Variants in DUSP22 observed in about 807,000 individuals in gnomAD.
DUSP22 encodes dual specificity protein phosphatase 22.
In DUSP22, 24 loss-of-function variants were observed where a neutral mutation model predicts 24.5. The ratio of observed to expected loss-of-function variants is 0.98; its 90% CI spans 0.71 to 1.38. DUSP22 has a LOEUF of 1.38. Among genes scored for constraint, DUSP22 ranks in the 40% most tolerant of loss-of-function variants. DUSP22 has a pLI of 0.00. For synonymous variants in DUSP22, 160 were observed against 106.4 expected, an observed-to-expected ratio of 1.50 and a Z score of -3.10; for missense variants, 330 against 269.2, an observed-to-expected ratio of 1.23 and a Z score of -1.58.
chr6:295,444 A>G (rs1182582397), intron 1 of DUSP22, among the ~76,000 whole-genome samples: 7 of 152,238 alleles, frequency 4.6e-5, no homozygotes, highest in African/African-American at 1.7e-4. Flanking sequence ...GATGGAGGGG[A>G]AAAAGGCTTT....
chr6:316,739 TCTCA>T (rs1388726358), intron 3 of DUSP22, among the ~76,000 whole-genome samples: 4 of 152,308 alleles, frequency 2.6e-5, no homozygotes, highest in African/African-American at 9.6e-5. Context: ...CAAAACTATT[TCTCA>T]CTATTAACAA....
chr6:305,469 T>C (rs1444651874), intron 2 of DUSP22, among the ~76,000 whole-genome samples: 1 of 152,306 alleles, frequency 6.6e-6, no homozygotes, highest in Non-Finnish European at 1.5e-5. Flanking sequence ...CCTGTTCTTT[T>C]TAAGTCACCT....
At chr6:292,745 C>A (rs1403613848) in intron 1 of DUSP22, among the ~76,000 whole-genome samples, 185 bp downstream of exon 1, 3 of 152,280 alleles carry the variant, frequency 2.0e-5, no homozygotes, top group African/African-American at 7.2e-5. Flanking sequence ...TTCCCGCCCC[C>A]ACCCCACCCG....
chr6:308,649 C>A (rs1195674663), intron 2 of DUSP22, among the ~76,000 whole-genome samples: 8 of 152,300 alleles, frequency 5.3e-5, no homozygotes, highest in Non-Finnish European at 1.2e-4. Context: ...TAAAAAGATT[C>A]ACTCTGTATT....
At chr6:316,998 G>T (rs1355167836) in intron 3 of DUSP22, among the ~76,000 whole-genome samples, 4 of 152,306 alleles carry the variant, frequency 2.6e-5, no homozygotes, top group Admixed American at 2.0e-4. Context: ...TTAAAAGAAT[G>T]GGATGTTTTC....
At chr6:314,433 A>G (rs1417431770) in intron 3 of DUSP22, among the ~76,000 whole-genome samples, 5 of 152,306 alleles carry the variant, frequency 3.3e-5, no homozygotes, top group African/African-American at 1.2e-4. Context: ...ATTGGGCACT[A>G]CACTGTGGAT....
chr6:350,855 T>A lies in DUSP22; in HGVS notation c.*1904T>A. 3 of 1,614,278 alleles carry A rather than the reference T, an allele frequency of 1.9e-6. No homozygotes were observed. Among genetic ancestry groups the A allele is most frequent in the Non-Finnish European group, 2.5e-6 (3 of 1,180,030 alleles). ...GGAATTCTGAAGTTCTGGGCCTTTC[T>A]CAGAAGACTGTAATGTACCTGAAGT... On this transcript the variant is annotated 3_prime_UTR_variant, in exon 7 of 7. Transcript: ENST00000419235.
chr6:331,589 C>G (rs1343054995), intron 3 of DUSP22, among the ~76,000 whole-genome samples: 1 of 152,308 alleles, frequency 6.6e-6, no homozygotes, highest in South Asian at 2.1e-4. Context: ...AAAACATTTG[C>G]AGAACTTATT....
chr6:348,102 G>A lies in DUSP22; in HGVS notation c.264-1G>A. The A allele has an allele frequency of 6.2e-7, 1 of 1,614,154 alleles. No homozygotes were observed. The highest frequency in any genetic ancestry group is 8.5e-7 in the Non-Finnish European group (1 of 1,179,970). On this transcript the variant is annotated splice_acceptor_variant, in intron 5 of 6. Transcript: ENST00000419235. LOFTEE classifies it high-confidence loss of function. ...CACATGTGCTTCTCTTGGCCCCGCA[G>A]CCTGGCCGGGGTCTCCAGGAGCGTG... is the stretch of plus-strand genomic sequence containing the variant.
At chr6:297,807 G>A (rs1358500276) in intron 1 of DUSP22, among the ~76,000 whole-genome samples, 1 of 152,302 alleles carries the variant, frequency 6.6e-6, no homozygotes, top group Non-Finnish European at 1.5e-5. Context: ...AGGGCTGGCA[G>A]GTCAGGCACC....
Position 349,112 on chromosome 6 carries a change from A to G in DUSP22, c.*161A>G, listed in dbSNP as rs1760042003. The G allele has an allele frequency of 2.8e-6, 4 of 1,447,520 alleles. No individual in the cohort carries two copies. The African/African-American group carries it at 4.3e-5, about 15-fold the overall frequency. The allele number at this position is 1,447,520 out of a possible 1,614,324, so 89.7% of individuals were successfully genotyped here. ...AAGCAACACCGCCCAGCCCTGCTCCAGGCCCCTGCACTCCGCCCACCCCTA... is the reference window on the plus strand; with the variant it reads ...AAGCAACACCGCCCAGCCCTGCTCCGGGCCCCTGCACTCCGCCCACCCCTA... On this transcript the variant is annotated 3_prime_UTR_variant, in exon 7 of 7. Coordinates refer to ENST00000419235, the MANE Select transcript of DUSP22 (RefSeq NM_001286555.3).
At chr6:307,965 C>G (rs1757894436) in intron 2 of DUSP22, among the ~76,000 whole-genome samples, 1 of 152,306 alleles carries the variant, frequency 6.6e-6, no homozygotes, top group Admixed American at 6.5e-5. Context: ...ATTTTTTCCA[C>G]ATGAATTCTA....
At position 349,359 on chromosome 6, in the gene DUSP22, T is replaced by TA. The variant is rs1760066565; in HGVS notation, c.*409dup. ...GTTTGTGTGTGTGTGAACTCTTTCT[T>TA]ACTGCTGGAAGTCACAGAATTCATA... On this transcript the variant is annotated 3_prime_UTR_variant, in exon 7 of 7. Transcript: ENST00000419235. 9.6e-7 allele frequency: 1 copy of TA among 1,038,750 alleles called. No homozygotes were observed. Among genetic ancestry groups the TA allele is most frequent in the South Asian group, 3.8e-5 (1 of 26,658 alleles). 64.3% of individuals were successfully genotyped at this position (1,038,750 alleles called of 1,614,324 possible).
chr6:304,283 C>T (rs534613425), intron 1 of DUSP22, among the ~76,000 whole-genome samples: 108 of 152,396 alleles, frequency 7.1e-4, no homozygotes, highest in Middle Eastern at 6.8e-3. Context: ...GCAGTGGCCT[C>T]GTGCAGCAGA....
chr6:321,996 G>A (rs537846104), intron 3 of DUSP22, among the ~76,000 whole-genome samples: 28 of 152,420 alleles, frequency 1.8e-4, no homozygotes, highest in African/African-American at 6.7e-4. Context: ...TACAGGTCCA[G>A]GGCTCAGGAG....
intron 1 of DUSP22, 88 bp downstream of exon 1, chr6:292,648 C>T (rs889324499): frequency 6.6e-6 from 10 of 1,509,580 alleles, no homozygotes; most frequent in South Asian, 2.4e-5. Flanking sequence ...GACTCGAGCC[C>T]GGGGTGCCCT....
chr6:307,836 C>T (rs1228060152), intron 2 of DUSP22, among the ~76,000 whole-genome samples: 1 of 152,302 alleles, frequency 6.6e-6, no homozygotes, highest in African/African-American at 2.4e-5. Flanking sequence ...GTAAGACAGA[C>T]AGTCCTGGTG....
intron 4 of DUSP22, among the ~76,000 whole-genome samples, chr6:345,012 C>G (rs1363266708): frequency 6.6e-6 from 1 of 152,310 alleles, no homozygotes; most frequent in African/African-American, 2.4e-5. Context: ...TCCCTCAACC[C>G]CAGTCTGTGG....
chr6:336,130 C>T (rs1581183074), intron 4 of DUSP22, among the ~76,000 whole-genome samples: 3 of 152,424 alleles, frequency 2.0e-5, no homozygotes, highest in African/African-American at 7.2e-5. Context: ...TCCTGAAGCA[C>T]ACATCTGACT....
Sources: allele counts gnomAD v4.1 joint callset (sites outside exome capture counted in the v4.1 genomes callset), GRCh38; gene constraint gnomAD v4.1.1; transcripts MANE v1.5; gene names NCBI Gene and HGNC (gene_info 2026-07-23, HGNC 2026-07-21).